TSC22D1: variants seen among roughly 807,000 people sequenced by gnomAD.
TSC22D1 encodes the protein TSC22 domain family protein 1.
TSC22D1 carries 9 observed loss-of-function variants against 74.2 expected under a neutral mutation model. That is an observed-to-expected ratio of 0.12 (90% CI 0.07 to 0.21). The LOEUF (loss-of-function observed/expected upper bound fraction) is 0.21. Ranked by LOEUF, TSC22D1 falls within the 10% of genes least tolerant of loss-of-function variation. The pLI is 1.00. For missense variants in TSC22D1, 1,427 were observed against 1,304.7 expected, an observed-to-expected ratio of 1.09 and a Z score of -1.44; for synonymous variants, 586 against 492.5, an observed-to-expected ratio of 1.19 and a Z score of -2.51.
chr13:44,575,098 G>A lies in TSC22D1; in HGVS notation c.977C>T (p.Pro326Leu). The A allele has an allele frequency of 1.2e-6, 2 of 1,614,146 alleles. No homozygotes were observed. The highest frequency in any genetic ancestry group is 1.7e-6 in the Non-Finnish European group (2 of 1,180,032). ...ACCAAGCATGCTGCTTGTCACATTAGGATTAAAACTACCCACAGCAGTAAT... is the reference window on the plus strand; with the variant it reads ...ACCAAGCATGCTGCTTGTCACATTAAGATTAAAACTACCCACAGCAGTAAT... ...VNITAVGSFN[P>L]NVTSSMLGNV... The change falls in exon 1 of 3, where the codon CCT (proline) becomes CTT (leucine). Residue 326 changes from proline (P) to leucine (L), a missense_variant. Pro to Leu is a moderately conservative substitution (Grantham distance 98). Transcript: ENST00000458659.
At position 44,466,828 on chromosome 13, in the gene TSC22D1, G is replaced by T. The variant is rs1877317342; in HGVS notation, c.2913-30733C>A. Among the ~76,000 whole-genome samples, 4 of 151,328 alleles carry T rather than the reference G, an allele frequency of 2.6e-5. No homozygotes were observed. In the South Asian group the frequency reaches 8.3e-4, roughly 32 times the overall value. On this transcript the variant is annotated intron_variant, in intron 1 of 2. Coordinates refer to ENST00000458659, the MANE Select transcript of TSC22D1 (RefSeq NM_183422.4). Reference sequence around the variant, plus strand: ...TCCTGAGCCCAATGTCAAACCTTATGAATTAGAATCTCCAGAGATATAAAA... The same window carrying T: ...TCCTGAGCCCAATGTCAAACCTTATTAATTAGAATCTCCAGAGATATAAAA...
At chr13:44,470,629 T>A (rs535738639) in intron 1 of TSC22D1, among the ~76,000 whole-genome samples, 3 of 152,196 alleles carry the variant, frequency 2.0e-5, no homozygotes, top group Non-Finnish European at 4.4e-5. Context: ...GAAGAAATTT[T>A]AAGGCCTCAT....
chr13:44,557,177 AAGTGGCCGGGCGC>A lies in TSC22D1; in HGVS notation c.2912+15973_2912+15985del, dbSNP rs766932336. ...AAAAAAAAAATTACAAAAAAAGAAAAAGTGGCCGGGCGCAGTGGCACACACCTGTAATCCCAGC... is the reference window on the plus strand; with the variant it reads ...AAAAAAAAAATTACAAAAAAAGAAAAAGTGGCACACACCTGTAATCCCAGC... On this transcript the variant is annotated intron_variant, in intron 1 of 2. Coordinates refer to ENST00000458659, the MANE Select transcript of TSC22D1 (RefSeq NM_183422.4). Among the ~76,000 whole-genome samples the A allele has an allele frequency of 1.5e-3, 219 of 144,310 alleles. 4 individuals carry two copies. The highest frequency in any genetic ancestry group is 2.6e-3 in the Non-Finnish European group (170 of 65,992). The allele number at this position is 144,310 out of a possible 152,430, so 94.7% of individuals were successfully genotyped here. A position where few individuals can be genotyped will look rare whatever the true frequency, so the allele number is the denominator to read the frequency against.
intron 1 of TSC22D1, among the ~76,000 whole-genome samples, chr13:44,512,969 C>G (rs1407614424): frequency 6.6e-6 from 1 of 152,178 alleles, no homozygotes; most frequent in African/African-American, 2.4e-5. Context: ...ATCTCTAAAG[C>G]CTGTGTCCTA....
In TSC22D1 at chr13:44,498,100, C is replaced by A. The variant is rs77419202; in HGVS notation, c.2913-62005G>T. Among the ~76,000 whole-genome samples, 180 of 138,012 alleles carry A rather than the reference C, an allele frequency of 1.3e-3. 1 individual carries two copies. The highest frequency in any genetic ancestry group is 4.0e-3 in the African/African-American group (150 of 37,798). The allele number at this position is 138,012 out of a possible 152,430, so 90.5% of individuals were successfully genotyped here. A position where few individuals can be genotyped will look rare whatever the true frequency, so the allele number is the denominator to read the frequency against. ...AACATGATAAAACCAAAAAAAAAAC[C>A]AAAAAAAAAAATGTCTCCACAAAAA... is the stretch of plus-strand genomic sequence containing the variant. On this transcript the variant is annotated intron_variant, in intron 1 of 2. Transcript: ENST00000458659.
intron 1 of TSC22D1, among the ~76,000 whole-genome samples, chr13:44,456,144 G>A (rs1290529497): frequency 6.6e-6 from 1 of 152,192 alleles, no homozygotes; most frequent in African/African-American, 2.4e-5. Context: ...CGCAGTGAGT[G>A]TTACAGCTCA....
At chr13:44,445,958 G>A (rs11618387) in intron 1 of TSC22D1, among the ~76,000 whole-genome samples, 1 of 152,138 alleles carries the variant, frequency 6.6e-6, no homozygotes, top group Non-Finnish European at 1.5e-5. Flanking sequence ...CCACTTTGCA[G>A]AACAGTTTTG....
intron 1 of TSC22D1, among the ~76,000 whole-genome samples, chr13:44,467,578 C>A (rs1877362960): frequency 6.6e-6 from 1 of 151,990 alleles, no homozygotes; most frequent in South Asian, 2.1e-4. Context: ...AAAAAGTGAG[C>A]AAAGGATATG....
At chr13:44,521,796 G>A (rs1037352816) in intron 1 of TSC22D1, among the ~76,000 whole-genome samples, 1 of 151,890 alleles carries the variant, frequency 6.6e-6, no homozygotes, top group Non-Finnish European at 1.5e-5. Context: ...TTCATTACTT[G>A]TTTTCCAAAA....
chr13:44,462,541 C>T (rs1877054860), intron 1 of TSC22D1, among the ~76,000 whole-genome samples: 1 of 152,168 alleles, frequency 6.6e-6, no homozygotes, highest in Admixed American at 6.5e-5. Context: ...ATATGGATCA[C>T]TACTCCAGTA....
chr13:44,483,079 T>C (rs2137936898), intron 1 of TSC22D1, among the ~76,000 whole-genome samples: 1 of 152,352 alleles, frequency 6.6e-6, no homozygotes, highest in Middle Eastern at 3.4e-3. Flanking sequence ...AGTAACTACA[T>C]TATTTAGATA....
Position 44,573,948 on chromosome 13 carries a change from A to G in TSC22D1, c.2127T>C (p.Ser709=). The G allele has an allele frequency of 6.2e-7, 1 of 1,614,168 alleles. No homozygotes were observed. Among genetic ancestry groups the G allele is most frequent in the East Asian group, 2.2e-5 (1 of 44,896 alleles). ...CCGGAGCCTGGCCAACAGGCTGGAC[A>G]GATGCCCCTGCAGGTTGTGCTGGGA... ...TAVPAQPAGA[S]VQPVGQAPAA... is the part of the protein sequence containing the mutation. Residue 709 remains serine, a synonymous_variant, in exon 1 of 3, where the codon TCT becomes TCC. Transcript: ENST00000458659.
chr13:44,436,413 G>T, intron 1 of TSC22D1: 1 of 1,471,098 alleles, frequency 6.8e-7, no homozygotes, highest in South Asian at 1.3e-5. Flanking sequence ...TCTCAGCAAT[G>T]GACAAAGGAA....
At chr13:44,553,399 T>G (rs1464303664) in intron 1 of TSC22D1, among the ~76,000 whole-genome samples, 1 of 152,210 alleles carries the variant, frequency 6.6e-6, no homozygotes, top group Non-Finnish European at 1.5e-5. Flanking sequence ...TTTTGAAACT[T>G]TATAGATTTC....
chr13:44,492,312 T>C (rs1488389155), intron 1 of TSC22D1, among the ~76,000 whole-genome samples: 1 of 152,208 alleles, frequency 6.6e-6, no homozygotes, highest in African/African-American at 2.4e-5. Context: ...ATAACAGTGT[T>C]GAATATCTCA....
intron 1 of TSC22D1, among the ~76,000 whole-genome samples, chr13:44,500,562 G>A (rs957984233): frequency 6.6e-6 from 1 of 152,166 alleles, no homozygotes; most frequent in Admixed American, 6.5e-5. Flanking sequence ...GAACCAAGCA[G>A]TTAAGCTTCC....
At chr13:44,470,534 AGTTAG>A (rs1437063853) in intron 1 of TSC22D1, among the ~76,000 whole-genome samples, 2 of 152,220 alleles carry the variant, frequency 1.3e-5, no homozygotes, top group Non-Finnish European at 2.9e-5. Flanking sequence ...CTCCATGAGC[AGTTAG>A]ATTTGTTTCT....
intron 2 of TSC22D1, chr13:44,435,727 T>C: frequency 2.4e-6 from 1 of 421,698 alleles, no homozygotes; most frequent in South Asian, 2.2e-5. Flanking sequence ...AAAGGTGTGC[T>C]CACGACCAGC....
At chr13:44,472,009 T>C (rs1877632392) in intron 1 of TSC22D1, among the ~76,000 whole-genome samples, 1 of 152,218 alleles carries the variant, frequency 6.6e-6, no homozygotes, top group African/African-American at 2.4e-5. Context: ...GTCAAAGTGA[T>C]TGGAGGATTC....
Sources: gnomAD v4.1 joint callset for allele counts (sites outside exome capture counted in the v4.1 genomes callset) on GRCh38, gnomAD v4.1.1 for gene constraint, MANE v1.5 for transcripts, NCBI Gene and HGNC (gene_info 2026-07-23, HGNC 2026-07-21) for gene names.